The following KLHDC4 variants were observed in gnomAD, a reference collection of about 807,000 sequenced individuals.
KLHDC4 encodes the protein kelch domain-containing protein 4.
A neutral mutation model predicts 62.4 loss-of-function variants in KLHDC4; 90 were observed. That is an observed-to-expected ratio of 1.44 (90% CI 1.22 to 1.72). KLHDC4 has a LOEUF of 1.72. Among genes scored for constraint, KLHDC4 ranks in the 40% most tolerant of loss-of-function variants. The probability of loss-of-function intolerance (pLI) is 0.00; values close to 1 mark genes in which losing one functional copy is unlikely to be tolerated. For synonymous variants in KLHDC4, 386 were observed against 284.4 expected, an observed-to-expected ratio of 1.36 and a Z score of -3.59; for missense variants, 1,025 against 699.7, an observed-to-expected ratio of 1.47 and a Z score of -5.25.
intron 5 of KLHDC4, among the ~76,000 whole-genome samples, chr16:87,743,430 T>A (rs1430071256): frequency 6.6e-6 from 1 of 152,016 alleles, no homozygotes; most frequent in Non-Finnish European, 1.5e-5. Context: ...CATTTTAAAC[T>A]TGACTGAATA....
intron 4 of KLHDC4, among the ~76,000 whole-genome samples, chr16:87,749,281 C>A (rs554571213): frequency 6.6e-6 from 1 of 152,042 alleles, no homozygotes; most frequent in Non-Finnish European, 1.5e-5. Flanking sequence ...ATGTGCCAGG[C>A]GCGGTGGCTC....
intron 6 of KLHDC4, among the ~76,000 whole-genome samples, chr16:87,727,610 C>T (rs913047425): frequency 6.6e-6 from 1 of 152,182 alleles, no homozygotes; most frequent in African/African-American, 2.4e-5. Flanking sequence ...CTGGGCTGAA[C>T]AGGGAAGTGG....
chr16:87,714,353 C>CCCAAA lies in KLHDC4; in HGVS notation c.835+144_835+145insTTTGG. 6 of 990,178 alleles carry CCCAAA rather than the reference C, an allele frequency of 6.1e-6. No homozygotes were observed. In the South Asian group the frequency reaches 8.3e-5, roughly 14 times the overall value. 61.3% of individuals were successfully genotyped at this position (990,178 alleles called of 1,614,324 possible). On this transcript the variant is annotated intron_variant, in intron 8 of 11. Coordinates refer to ENST00000270583, the MANE Select transcript of KLHDC4 (RefSeq NM_017566.4). ...GGAGCCTGTCCCACCCGGCCCACCCCGAAATGAGCCATCTCGGCAGGCCCT... is the reference window on the plus strand; with the variant it reads ...GGAGCCTGTCCCACCCGGCCCACCCCCCAAAGAAATGAGCCATCTCGGCAGGCCCT...
intron 7 of KLHDC4, among the ~76,000 whole-genome samples, chr16:87,718,994 GC>G (rs1184159359): frequency 6.6e-6 from 1 of 151,226 alleles, no homozygotes; most frequent in Non-Finnish European, 1.5e-5. Context: ...CCCGGCAGCC[GC>G]CCCCTCCGGG....
chr16:87,721,213 G>C (rs1003065206), intron 7 of KLHDC4, among the ~76,000 whole-genome samples: 3 of 152,166 alleles, frequency 2.0e-5, no homozygotes, highest in South Asian at 2.1e-4. Context: ...AAGGTCAGGA[G>C]ATCGAGACCA....
intron 2 of KLHDC4, among the ~76,000 whole-genome samples, chr16:87,760,335 C>T (rs1363412712): frequency 6.6e-6 from 1 of 151,436 alleles, no homozygotes; most frequent in African/African-American, 2.4e-5. Context: ...GGGCCGGGCA[C>T]GGTGGCTCAC....
At chr16:87,731,603 C>T (rs759706226) in intron 5 of KLHDC4, among the ~76,000 whole-genome samples, 3 of 151,670 alleles carry the variant, frequency 2.0e-5, no homozygotes, top group African/African-American at 7.3e-5. Context: ...CAAGTGCTGG[C>T]GAGGACATGG....
chr16:87,756,708 C>G (rs1039356452), intron 2 of KLHDC4, among the ~76,000 whole-genome samples: 10 of 127,818 alleles, frequency 7.8e-5, no homozygotes, highest in African/African-American at 3.1e-4. Flanking sequence ...GACACAGTGT[C>G]TGGTTGTATT....
At chr16:87,754,260 C>T (rs2044503567) in intron 4 of KLHDC4, among the ~76,000 whole-genome samples, 1 of 152,144 alleles carries the variant, frequency 6.6e-6, no homozygotes, top group South Asian at 2.1e-4. Flanking sequence ...GCAGGAGAAT[C>T]ACTTCAACCT....
intron 8 of KLHDC4, among the ~76,000 whole-genome samples, chr16:87,711,926 C>T (rs1444534607): frequency 8.5e-6 from 1 of 117,126 alleles, no homozygotes; most frequent in East Asian, 2.3e-4. Context: ...TGTGCCAGCC[C>T]CCCTTGGGCC....
At chr16:87,759,444 A>G (rs28563076) in intron 2 of KLHDC4, among the ~76,000 whole-genome samples, 1 of 149,164 alleles carries the variant, frequency 6.7e-6, no homozygotes, top group African/African-American at 2.5e-5. Context: ...AAAAAAAAAA[A>G]CTTTTTAAAA....
rs1001065978 is a variant in KLHDC4, at chr16:87,756,272, A to C, written c.270+127T>G. 12 of 688,994 alleles carry C rather than the reference A, an allele frequency of 1.7e-5. No homozygotes were observed. In the East Asian group the frequency reaches 3.3e-4, roughly 19 times the overall value. 42.7% of individuals were successfully genotyped at this position (688,994 alleles called of 1,614,324 possible). ...CTGGCGACGTCTCACATCAGGCCTG[A>C]CGGCTCAAGCGCGTGATACAAGGGG... On this transcript the variant is annotated intron_variant, in intron 3 of 11. Coordinates refer to ENST00000270583, the MANE Select transcript of KLHDC4 (RefSeq NM_017566.4).
chr16:87,761,962 G>T lies in KLHDC4; in HGVS notation c.178C>A (p.Pro60Thr). 1.2e-6 allele frequency: 2 copies of T among 1,613,728 alleles called. No individual in the cohort carries two copies. The highest frequency in any genetic ancestry group is 1.7e-6 in the Non-Finnish European group (2 of 1,179,880). ...CTACTTGCTCACCTTGGTGAGGGTG[G>T]GGGGCACGGAAGTTCCACAGTCTGA... Reference protein sequence around the residue: ...RTQTVELPCPPPSPRLNASLS... With the variant: ...RTQTVELPCPTPSPRLNASLS... Residue 60 changes from proline (P) to threonine (T), a missense_variant, in exon 2 of 12, where the codon CCA becomes ACA. Pro to Thr is a conservative substitution (Grantham distance 38). Coordinates refer to ENST00000270583, the MANE Select transcript of KLHDC4 (RefSeq NM_017566.4).
intron 8 of KLHDC4, among the ~76,000 whole-genome samples, chr16:87,712,984 G>C (rs1442426332): frequency 6.6e-6 from 1 of 152,188 alleles, no homozygotes; most frequent in African/African-American, 2.4e-5. Context: ...GTGCCTCCTG[G>C]CATCACTCTC....
At chr16:87,751,988 TGGCATGAACCCGGGA>T (rs368494863) in intron 4 of KLHDC4, among the ~76,000 whole-genome samples, 2,238 of 143,056 alleles carry the variant, frequency 0.016, 30 homozygotes, top group African/African-American at 0.043. Context: ...GGCAGGAGAA[TGGCATGAACCCGGGA>T]GGCATGAACC....
intron 7 of KLHDC4, among the ~76,000 whole-genome samples, chr16:87,726,001 GAACAGAACAGGGCCCT>G (rs1196387687): frequency 6.6e-6 from 1 of 152,066 alleles, no homozygotes; most frequent in Admixed American, 6.5e-5. Flanking sequence ...GGGGTGTGGA[GAACAGAACAGGGCCCT>G]AACACGGCAC....
intron 5 of KLHDC4, chr16:87,731,046 C>CG (rs2040270123): frequency 1.4e-5 from 1 of 72,032 alleles, no homozygotes; most frequent in Non-Finnish European, 2.8e-5. Flanking sequence ...ATACAGAATT[C>CG]TTTTTTTTTT....
chr16:87,702,102 G>C (rs1478129749), exon 1 of KLHDC4: 3 of 456,212 alleles, frequency 6.6e-6, no homozygotes, highest in Non-Finnish European at 1.3e-5. Context: ...AACAGCCTTC[G>C]GGTCCCAGAG....
At chr16:87,740,644 C>G (rs2042100584) in intron 5 of KLHDC4, 1 of 152,186 alleles carries the variant, frequency 6.6e-6, no homozygotes, top group African/African-American at 2.4e-5. Flanking sequence ...TTCACAGTTT[C>G]CAGTCACTCT....
Sources: gnomAD v4.1 joint callset for allele counts (sites outside exome capture counted in the v4.1 genomes callset) on GRCh38, gnomAD v4.1.1 for gene constraint, MANE v1.5 for transcripts, NCBI Gene and HGNC (gene_info 2026-07-23, HGNC 2026-07-21) for gene names.